Variants in CCSER1 observed in about 807,000 individuals in gnomAD.
The protein encoded by CCSER1 is serine-rich coiled-coil domain-containing protein 1.
In CCSER1, 41 loss-of-function variants were observed where a neutral mutation model predicts 82.0. The observed-to-expected ratio is 0.50, with a 90% CI of 0.39 to 0.65. The LOEUF (loss-of-function observed/expected upper bound fraction) is 0.65, where lower values mean the gene tolerates loss of function less well. Among genes scored for constraint, CCSER1 ranks in the 30% least tolerant of loss-of-function variants. CCSER1 has a pLI of 0.00. For missense variants in CCSER1, 1,119 were observed against 1,064.2 expected, an observed-to-expected ratio of 1.05 and a Z score of -0.72; for synonymous variants, 414 against 383.9, an observed-to-expected ratio of 1.08 and a Z score of -0.92.
At chr4:91,188,405 C>T (rs1734743473) in intron 10 of CCSER1, among the ~76,000 whole-genome samples, 1 of 151,868 alleles carries the variant, frequency 6.6e-6, no homozygotes, top group African/African-American at 2.4e-5. Flanking sequence ...TTATTCAAAA[C>T]TTCTGCTACT....
intron 9 of CCSER1, among the ~76,000 whole-genome samples, chr4:91,063,128 G>A (rs374879488): frequency 2.0e-5 from 3 of 151,990 alleles, no homozygotes; most frequent in Non-Finnish European, 2.9e-5. Context: ...TTGAAGTTTC[G>A]TGTTCCCAAC....
intron 10 of CCSER1, among the ~76,000 whole-genome samples, chr4:91,256,747 G>T (rs1219860679): frequency 6.6e-6 from 1 of 152,090 alleles, no homozygotes; most frequent in Non-Finnish European, 1.5e-5. Context: ...AATAAAATTG[G>T]CATAGCAAGC....
At chr4:91,074,226 T>C (rs1721723579) in intron 9 of CCSER1, among the ~76,000 whole-genome samples, 1 of 152,116 alleles carries the variant, frequency 6.6e-6, no homozygotes, top group South Asian at 2.1e-4. Context: ...TTTTGCAATA[T>C]AACATGTGAT....
chr4:90,473,531 C>G (rs1488950769), intron 5 of CCSER1, among the ~76,000 whole-genome samples: 2 of 152,138 alleles, frequency 1.3e-5, no homozygotes, highest in Non-Finnish European at 2.9e-5. Context: ...TCTGTAAGCT[C>G]CTTCTGAAAG....
At chr4:90,405,156 G>A (rs534360110) in intron 4 of CCSER1, among the ~76,000 whole-genome samples, 2 of 152,016 alleles carry the variant, frequency 1.3e-5, no homozygotes, top group African/African-American at 4.8e-5. Flanking sequence ...GAAATAGATA[G>A]CATAAATAAA....
At chr4:90,797,619 C>T (rs1756222007) in intron 7 of CCSER1, among the ~76,000 whole-genome samples, 1 of 152,100 alleles carries the variant, frequency 6.6e-6, no homozygotes, top group South Asian at 2.1e-4. Context: ...AATGGTTTTT[C>T]CTTTCTGTAT....
chr4:90,249,316 A>G (rs1246698056), intron 1 of CCSER1, among the ~76,000 whole-genome samples: 1 of 152,194 alleles, frequency 6.6e-6, no homozygotes, highest in Admixed American at 6.6e-5. Flanking sequence ...GATAATATCA[A>G]ATTGCTTATT....
At chr4:90,196,096 CTTTT>C (rs5860192) in intron 1 of CCSER1, among the ~76,000 whole-genome samples, 1 of 124,360 alleles carries the variant, frequency 8.0e-6, no homozygotes, top group Non-Finnish European at 1.7e-5. Context: ...ACTTTCCTAG[CTTTT>C]TTTTTTTTTT....
At chr4:91,325,892 A>G (rs1486429833) in intron 10 of CCSER1, among the ~76,000 whole-genome samples, 1 of 152,194 alleles carries the variant, frequency 6.6e-6, no homozygotes, top group African/African-American at 2.4e-5. Flanking sequence ...TGAGAAATGA[A>G]AATATTTCTT....
Position 91,320,084 on chromosome 4 carries a change from C to G in CCSER1, c.2217+234090C>G, listed in dbSNP as rs1578187545. Reference sequence around the variant, plus strand: ...GCCACTTAGCAGCTGTCTTGGTTATCAGATCAGCTGTCTCTGTATCACAGT... The same window carrying G: ...GCCACTTAGCAGCTGTCTTGGTTATGAGATCAGCTGTCTCTGTATCACAGT... On this transcript the variant is annotated intron_variant, in intron 10 of 10. Transcript: ENST00000509176. 2.0e-5 allele frequency among the ~76,000 whole-genome samples: 3 copies of G among 152,164 alleles called. No homozygotes were observed. In the Middle Eastern group the frequency reaches 0.01, roughly 518 times the overall value.
At chr4:91,401,619 A>G (rs1392387547) in intron 10 of CCSER1, among the ~76,000 whole-genome samples, 1 of 151,842 alleles carries the variant, frequency 6.6e-6, no homozygotes, top group Non-Finnish European at 1.5e-5. Context: ...TCATTGTTCA[A>G]TTCCCACCTA....
intron 1 of CCSER1, among the ~76,000 whole-genome samples, chr4:90,198,524 C>CTGTTTTTTT (rs1737032152): frequency 6.6e-6 from 1 of 152,056 alleles, no homozygotes; most frequent in African/African-American, 2.4e-5. Flanking sequence ...TGGTGAAATA[C>CTGTTTTTTT]TTTTTGACCC....
At chr4:90,771,610 G>A (rs373422022) in intron 7 of CCSER1, among the ~76,000 whole-genome samples, 8 of 146,608 alleles carry the variant, frequency 5.5e-5, no homozygotes, top group Non-Finnish European at 7.5e-5. Context: ...TATTTTTGTA[G>A]AAAGTGAGAT....
chr4:91,527,390 G>A (rs1289082867), intron 10 of CCSER1, among the ~76,000 whole-genome samples: 1 of 152,142 alleles, frequency 6.6e-6, no homozygotes, highest in African/African-American at 2.4e-5. Context: ...CACTGAGCAT[G>A]ACCAATATGA....
intron 6 of CCSER1, among the ~76,000 whole-genome samples, chr4:90,651,579 G>C (rs2870255): frequency 0.51 from 77,848 of 151,720 alleles, 20,216 homozygotes; most frequent in Middle Eastern, 0.67. Context: ...AGGAGAAATA[G>C]CTAATGTAGG....
intron 9 of CCSER1, among the ~76,000 whole-genome samples, chr4:91,039,350 A>G (rs1252731444): frequency 6.6e-6 from 1 of 151,930 alleles, no homozygotes; most frequent in Non-Finnish European, 1.5e-5. Context: ...GCTCATTTCC[A>G]TATTCTTTAA....
intron 10 of CCSER1, among the ~76,000 whole-genome samples, chr4:91,332,728 A>G (rs1049396191): frequency 6.6e-6 from 1 of 152,036 alleles, no homozygotes; most frequent in Non-Finnish European, 1.5e-5. Flanking sequence ...TGTGGAACGT[A>G]AGGAGCTTTG....
intron 10 of CCSER1, among the ~76,000 whole-genome samples, chr4:91,549,231 A>G (rs1270572163): frequency 2.0e-5 from 3 of 151,892 alleles, no homozygotes; most frequent in Non-Finnish European, 4.4e-5. Context: ...TAGAATTTTT[A>G]TCCCTTTTTA....
chr4:90,361,053 T>C (rs1213596555), intron 3 of CCSER1, among the ~76,000 whole-genome samples: 2 of 152,190 alleles, frequency 1.3e-5, no homozygotes, highest in East Asian at 3.8e-4. Flanking sequence ...GACCTGTAGG[T>C]GACATTATCT....
Sources: allele counts gnomAD v4.1 joint callset (sites outside exome capture counted in the v4.1 genomes callset), GRCh38; gene constraint gnomAD v4.1.1; transcripts MANE v1.5; gene names NCBI Gene and HGNC (gene_info 2026-07-23, HGNC 2026-07-21).